Variants in NLGN1 observed in about 807,000 individuals in gnomAD.
NLGN1 encodes neuroligin 1, also known as neuroligin-1.
A neutral mutation model predicts 65.5 loss-of-function variants in NLGN1; 12 were observed. The observed-to-expected ratio is 0.18, with a 90% CI of 0.12 to 0.30. The LOEUF (loss-of-function observed/expected upper bound fraction) is 0.30, where lower values mean the gene tolerates loss of function less well. NLGN1 is among the 10% of genes least tolerant of loss of function. NLGN1 has a pLI of 1.00. For synonymous variants in NLGN1, 350 were observed against 359.5 expected, an observed-to-expected ratio of 0.97 and a Z score of 0.30; for missense variants, 750 against 1,007.1, an observed-to-expected ratio of 0.74 and a Z score of 3.46.
chr3:173,668,803 T>C (rs1487558392), intron 3 of NLGN1, among the ~76,000 whole-genome samples: 1 of 151,982 alleles, frequency 6.6e-6, no homozygotes, highest in Non-Finnish European at 1.5e-5. Flanking sequence ...TTTGTATTTT[T>C]AGTAGAGACG....
intron 2 of NLGN1, among the ~76,000 whole-genome samples, chr3:173,494,228 G>T (rs1182241386): frequency 1.3e-5 from 2 of 151,224 alleles, no homozygotes; most frequent in African/African-American, 4.9e-5. Context: ...TAGCCATTCT[G>T]GTCAGTGTAT....
At chr3:173,447,345 T>C (rs1045370597) in intron 2 of NLGN1, among the ~76,000 whole-genome samples, 19 of 152,240 alleles carry the variant, frequency 1.2e-4, no homozygotes, top group Non-Finnish European at 2.4e-4. Context: ...TGCTTGTTTT[T>C]CTCAGGTTTG....
chr3:174,021,258 A>G (rs1266253810), intron 4 of NLGN1, among the ~76,000 whole-genome samples: 4 of 152,020 alleles, frequency 2.6e-5, no homozygotes, highest in African/African-American at 7.2e-5. Flanking sequence ...AATAATTTAC[A>G]AGGACTGGTG....
intron 4 of NLGN1, among the ~76,000 whole-genome samples, chr3:173,813,149 A>G (rs1489714969): frequency 3.3e-5 from 5 of 152,084 alleles, no homozygotes; most frequent in African/African-American, 1.2e-4. Flanking sequence ...GATCAAGGAA[A>G]TTTGCTAAAG....
chr3:173,590,827 G>T (rs1171697257), intron 2 of NLGN1, among the ~76,000 whole-genome samples: 1 of 151,998 alleles, frequency 6.6e-6, no homozygotes, highest in Non-Finnish European at 1.5e-5. Context: ...AGTAACTGAG[G>T]CTTTTTAGTG....
intron 4 of NLGN1, among the ~76,000 whole-genome samples, chr3:173,915,629 G>A (rs1054399220): frequency 2.6e-5 from 4 of 152,076 alleles, no homozygotes; most frequent in African/African-American, 7.2e-5. Context: ...CGTGAAGAAC[G>A]CCGATTTTAT....
chr3:174,123,865 C>T (rs1182102995), intron 4 of NLGN1, among the ~76,000 whole-genome samples: 1 of 152,118 alleles, frequency 6.6e-6, no homozygotes, highest in African/African-American at 2.4e-5. Flanking sequence ...GCCTGCTCCT[C>T]CAGATACGTT....
At chr3:173,498,468 G>A (rs1730415264) in intron 2 of NLGN1, among the ~76,000 whole-genome samples, 1 of 151,770 alleles carries the variant, frequency 6.6e-6, no homozygotes, top group Admixed American at 6.6e-5. Flanking sequence ...GGACATTTGG[G>A]TTGGTTCCAA....
chr3:173,558,904 G>T (rs1742168522), intron 2 of NLGN1, among the ~76,000 whole-genome samples: 1 of 151,174 alleles, frequency 6.6e-6, no homozygotes, highest in African/African-American at 2.4e-5. Context: ...GATTTTTGTT[G>T]TTGTTGTTTA....
intron 1 of NLGN1, among the ~76,000 whole-genome samples, chr3:173,413,304 A>T (rs1712983124): frequency 6.6e-6 from 1 of 152,104 alleles, no homozygotes; most frequent in Non-Finnish European, 1.5e-5. Flanking sequence ...TTTTAATTTT[A>T]AAAATGAGAC....
chr3:174,177,626 T>C (rs1729684039), intron 4 of NLGN1, among the ~76,000 whole-genome samples: 1 of 152,072 alleles, frequency 6.6e-6, no homozygotes, highest in African/African-American at 2.4e-5. Flanking sequence ...GTAATTGTCA[T>C]TTGGACGCCA....
intron 4 of NLGN1, among the ~76,000 whole-genome samples, chr3:174,037,545 C>G (rs971313319): frequency 2.0e-5 from 3 of 152,100 alleles, no homozygotes; most frequent in Admixed American, 6.6e-5. Context: ...AACGTAAGCT[C>G]TGTGGAGCAA....
intron 3 of NLGN1, among the ~76,000 whole-genome samples, chr3:173,770,598 G>A (rs1045511995): frequency 1.3e-5 from 2 of 152,046 alleles, no homozygotes; most frequent in African/African-American, 4.8e-5. Flanking sequence ...TAATTCCTTT[G>A]AAGGAGTGTA....
intron 4 of NLGN1, among the ~76,000 whole-genome samples, chr3:173,824,000 G>C (rs1720845838): frequency 6.6e-6 from 1 of 151,106 alleles, no homozygotes; most frequent in South Asian, 2.1e-4. Flanking sequence ...TTTACATTTT[G>C]TTTTCCAGAG....
chr3:173,989,673 A>G (rs903636502), intron 4 of NLGN1, among the ~76,000 whole-genome samples: 1 of 152,224 alleles, frequency 6.6e-6, no homozygotes, highest in Non-Finnish European at 1.5e-5. Context: ...ACATTTACAA[A>G]GAAGACTCAT....
chr3:173,429,337 A>T (rs986044413), intron 1 of NLGN1, among the ~76,000 whole-genome samples: 1 of 152,030 alleles, frequency 6.6e-6, no homozygotes, highest in Non-Finnish European at 1.5e-5. Context: ...ATTTCTGTTT[A>T]TCTTTTATTA....
intron 3 of NLGN1, among the ~76,000 whole-genome samples, chr3:173,652,841 G>T (rs1759423403): frequency 6.6e-6 from 1 of 152,056 alleles, no homozygotes; most frequent in Non-Finnish European, 1.5e-5. Flanking sequence ...TAGGCACTAT[G>T]GTCATTTTAA....
At chr3:174,228,628 C>A (rs1347304975) in intron 4 of NLGN1, among the ~76,000 whole-genome samples, 1 of 152,062 alleles carries the variant, frequency 6.6e-6, no homozygotes, top group Non-Finnish European at 1.5e-5. Context: ...TATGCCCCTG[C>A]AAATAAAATT....
chr3:174,110,035 T>C (rs11920145), intron 4 of NLGN1, among the ~76,000 whole-genome samples: 20,159 of 152,002 alleles, frequency 0.13, 1,533 homozygotes, highest in African/African-American at 0.2. Flanking sequence ...ACTTTTTTTC[T>C]TTATTTTCAT....
Sources: allele counts gnomAD v4.1 joint callset (sites outside exome capture counted in the v4.1 genomes callset), GRCh38; gene constraint gnomAD v4.1.1; transcripts MANE v1.5; gene names NCBI Gene and HGNC (gene_info 2026-07-23, HGNC 2026-07-21).